PFAS: variants seen among roughly 807,000 people sequenced by gnomAD.
PFAS encodes phosphoribosylformylglycinamidine synthase, also known as FGAM synthase.
PFAS carries 97 observed loss-of-function variants against 140.6 expected under a neutral mutation model. That is an observed-to-expected ratio of 0.69 (90% CI 0.59 to 0.82). PFAS has a LOEUF of 0.82. Among genes scored for constraint, PFAS ranks in the 40% least tolerant of loss-of-function variants. The pLI is 0.00. For synonymous variants in PFAS, 679 were observed against 718.8 expected, an observed-to-expected ratio of 0.94 and a Z score of 0.88; for missense variants, 1,656 against 1,780.2, an observed-to-expected ratio of 0.93 and a Z score of 1.26.
rs767940275 is a variant in PFAS, at chr17:8,254,178, C to T, written c.155C>T (p.Pro52Leu). The T allele has an allele frequency of 6.2e-7, 1 of 1,614,134 alleles. No homozygotes were observed. Among genetic ancestry groups the T allele is most frequent in the South Asian group, 1.1e-5 (1 of 91,084 alleles). ...YNVNWTAEALPSAEETKKLMW... is the reference protein window; with the variant it reads ...YNVNWTAEALLSAEETKKLMW... ...TGTCTCCCTGCAGCTGAGGCCCTCC[C>T]CAGTGCTGAGGAGACAAAGAAGCTG... Residue 52 changes from proline (P) to leucine (L), a missense_variant, in exon 3 of 28, where the codon CCC becomes CTC. Pro to Leu is a moderately conservative substitution (Grantham distance 98). Coordinates refer to ENST00000314666, the MANE Select transcript of PFAS (RefSeq NM_012393.3).
chr17:8,247,864 C>T (rs771792359), upstream of PFAS: 4 of 777,520 alleles, frequency 5.1e-6, no homozygotes, highest in Non-Finnish European at 8.8e-6. Context: ...GAGGTAGGAG[C>T]GGACCGACTC....
chr17:8,260,447 G>C (rs1052458782), intron 11 of PFAS, among the ~76,000 whole-genome samples: 1 of 152,134 alleles, frequency 6.6e-6, no homozygotes, highest in African/African-American at 2.4e-5. Context: ...ATGTTTTCAG[G>C]GGTTATCCGT....
At chr17:8,259,125 C>CAA (rs34642794) in intron 11 of PFAS, among the ~76,000 whole-genome samples, 14 of 118,684 alleles carry the variant, frequency 1.2e-4, no homozygotes, top group South Asian at 5.0e-4. Flanking sequence ...GCACCACTGT[C>CAA]AAAAAAAAAA....
rs781120244 is a variant in PFAS at position 8,268,590 on chromosome 17, G to T, written c.3440G>T (p.Arg1147Leu). 1 of 1,612,904 alleles carries T rather than the reference G, an allele frequency of 6.2e-7. No homozygotes were observed. Among genetic ancestry groups the T allele is most frequent in the Admixed American group, 1.7e-5 (1 of 59,992 alleles). The change falls in exon 27 of 28, where the codon CGG (arginine) becomes CTG (leucine). Residue 1147 changes from arginine (R) to leucine (L), a missense_variant. Around this residue, in one of 2 missense-constraint regions of PFAS, gnomAD observed 883 missense variants for 1,023.0 expected, o/e 0.86. Coordinates refer to ENST00000314666, the MANE Select transcript of PFAS (RefSeq NM_012393.3). ...PRAGAELRRF[R>L]KRPDTFSLGV... is the part of the protein sequence containing the mutation. ...GCTGGGGCTGAGCTGAGGCGCTTCC[G>T]GAAGCGGCCAGACACCTTCAGCCTG... is the stretch of plus-strand genomic sequence containing the variant.
chr17:8,267,573 A>G lies in PFAS; in HGVS notation c.3290A>G (p.Asp1097Gly). The G allele has an allele frequency of 1.2e-6, 2 of 1,612,572 alleles. No homozygotes were observed. The highest frequency in any genetic ancestry group is 1.7e-6 in the Non-Finnish European group (2 of 1,178,724). The change falls in exon 26 of 28, where the codon GAC becomes GGC. Residue 1097 changes from aspartate to glycine, a missense_variant. This residue lies in a region of PFAS where 883 missense variants were observed against 1,023.0 expected (regional missense o/e 0.86). Coordinates refer to ENST00000314666, the MANE Select transcript of PFAS (RefSeq NM_012393.3). This position sits in a 1 kb window ranked among gnomAD's most constrained non-coding sequence, Gnocchi z 4.9. ...GFEVWDVTMQ[D>G]LCSGAIGLDT... ...CAGGTATGGGACGTGACCATGCAGG[A>G]CCTCTGCTCTGGGGCAATTGGGCTG...
intron 18 of PFAS, 52 bp downstream of exon 18, chr17:8,265,177 C>A: frequency 1.3e-6 from 2 of 1,566,286 alleles, no homozygotes; most frequent in Non-Finnish European, 8.7e-7. Context: ...CAGGACCCTT[C>A]CACATCCATC....
chr17:8,254,378 T>G, intron 3 of PFAS, 77 bp downstream of exon 3: 1 of 1,554,558 alleles, frequency 6.4e-7, no homozygotes, highest in Non-Finnish European at 8.8e-7. Flanking sequence ...GATTTGCTTT[T>G]CCTTTGCTCT....
intron 14 of PFAS, 25 bp from the exon 15 acceptor site, chr17:8,263,750 T>C (rs1989690548): frequency 1.2e-6 from 2 of 1,610,798 alleles, no homozygotes; most frequent in East Asian, 4.5e-5. Flanking sequence ...GGCCCTTCTC[T>C]TTCCTCCCCG....
chr17:8,262,947 C>A lies in PFAS; in HGVS notation c.1364C>A (p.Pro455His), dbSNP rs764670784. Residue 455 changes from proline to histidine, a missense_variant, in exon 12 of 28, where the codon CCC (proline) becomes CAC (histidine). Pro to His is a moderately conservative substitution (Grantham distance 77, BLOSUM62 -2). Around this residue, in one of 2 missense-constraint regions of PFAS, gnomAD observed 773 missense variants for 757.3 expected, o/e 1.02. Coordinates refer to ENST00000314666, the MANE Select transcript of PFAS (RefSeq NM_012393.3). Reference protein sequence around the residue: ...PGMEVVKVGGPVYRIGVGGGA... With the variant: ...PGMEVVKVGGHVYRIGVGGGA... ...ATGGAAGTTGTAAAGGTTGGAGGTC[C>A]CGTCTACAGGATTGGAGTTGGAGGT... The A allele has an allele frequency of 2.5e-6, 4 of 1,614,080 alleles. No homozygotes were observed. Among genetic ancestry groups the A allele is most frequent in the Non-Finnish European group, 3.4e-6 (4 of 1,179,960 alleles).
At chr17:8,259,100 C>T (rs533388955) in intron 11 of PFAS, among the ~76,000 whole-genome samples, 7 of 147,590 alleles carry the variant, frequency 4.7e-5, no homozygotes, top group South Asian at 2.2e-4. Context: ...GAGTGGAGAT[C>T]GCACCACTGC....
chr17:8,261,500 A>C (rs1234681041), intron 11 of PFAS, among the ~76,000 whole-genome samples: 1 of 151,948 alleles, frequency 6.6e-6, no homozygotes, highest in Non-Finnish European at 1.5e-5. Context: ...CAGCCTCCCA[A>C]AGTGCTAGGA....
chr17:8,253,778 A>G (rs111290745), intron 1 of PFAS, 81 bp from the exon 2 acceptor site: 15,997 of 1,002,638 alleles, frequency 0.016, 173 homozygotes, highest in Middle Eastern at 0.047. Flanking sequence ...ACCTCAGGCA[A>G]TCCACCTGCC....
Position 8,268,876 on chromosome 17 carries a change from G to A in PFAS, c.3706+20G>A, listed in dbSNP as rs1489420144. The stretch of plus-strand genomic sequence containing the variant: ...GGGAAGGTCAGGCCCAAGGAAGGCT[G>A]GGGGAGGGCCCGAGGGTTGGGGGCA... On this transcript the variant is annotated intron_variant, in intron 27 of 27. Coordinates refer to ENST00000314666, the MANE Select transcript of PFAS (RefSeq NM_012393.3). 6.2e-7 allele frequency: 1 copy of A among 1,611,252 alleles called. No individual in the cohort carries two copies. The highest frequency in any genetic ancestry group is 8.5e-7 in the Non-Finnish European group (1 of 1,179,834).
upstream of PFAS, among the ~76,000 whole-genome samples, chr17:8,248,766 C>T (rs1988993436): frequency 6.6e-6 from 1 of 152,076 alleles, no homozygotes; most frequent in Non-Finnish European, 1.5e-5. Flanking sequence ...GCCATGTTGC[C>T]CAGACTGGTC....
In PFAS at chr17:8,268,741, C is replaced by T; in HGVS notation, c.3591C>T (p.Asn1197=). 6.2e-7 allele frequency: 1 copy of T among 1,612,758 alleles called. No homozygotes were observed. Among genetic ancestry groups the T allele is most frequent in the Non-Finnish European group, 8.5e-7 (1 of 1,179,908 alleles). Reference sequence around the variant, plus strand: ...GGCCAGGCCTTCTGCTACGCCACAACCTGTCTGGGCGCTACGAGTCTCGCT... The same window carrying T: ...GGCCAGGCCTTCTGCTACGCCACAATCTGTCTGGGCGCTACGAGTCTCGCT... ...PARPGLLLRH[N]LSGRYESRWA... The change falls in exon 27 of 28, where the codon AAC becomes AAT. Residue 1197 remains asparagine (N), a synonymous_variant. Transcript: ENST00000314666.
At chr17:8,265,239 C>T (rs377721002) in intron 18 of PFAS, 49 bp from the exon 19 acceptor site, 1 of 1,592,230 alleles carries the variant, frequency 6.3e-7, no homozygotes, top group Non-Finnish European at 8.6e-7. Context: ...CACCCCTGGC[C>T]TCTCCACATT....
upstream of PFAS, among the ~76,000 whole-genome samples, chr17:8,248,749 T>C (rs1485808068): frequency 1.3e-5 from 2 of 151,876 alleles, no homozygotes; most frequent in African/African-American, 4.8e-5. Context: ...TGTAGCGACA[T>C]GGTTTCGCCA....
chr17:8,258,287 G>C, intron 11 of PFAS, 88 bp downstream of exon 11: 2 of 1,428,816 alleles, frequency 1.4e-6, no homozygotes, highest in Admixed American at 2.0e-5. Flanking sequence ...GAACACTTCA[G>C]TGGTTAGTTT....
intron 1 of PFAS, among the ~76,000 whole-genome samples, chr17:8,250,434 T>C (rs1567632469): frequency 6.6e-6 from 1 of 152,186 alleles, no homozygotes; most frequent in Non-Finnish European, 1.5e-5. Context: ...TGAGACATGA[T>C]TGGAAATAGA....
Sources: allele counts gnomAD v4.1 joint callset (sites outside exome capture counted in the v4.1 genomes callset), GRCh38; gene constraint gnomAD v4.1.1; regional missense constraint gnomAD v4.1.1; non-coding constraint Gnocchi (gnomAD v3.1); transcripts MANE v1.5; gene names NCBI Gene and HGNC (gene_info 2026-07-23, HGNC 2026-07-21).